Variants in MTBP observed in about 807,000 individuals in gnomAD.
MTBP encodes mdm2-binding protein.
Under a neutral mutation model 117.0 loss-of-function variants are expected in MTBP, and 101 were observed. That is an observed-to-expected ratio of 0.86 (90% CI 0.73 to 1.02). The LOEUF (loss-of-function observed/expected upper bound fraction) is 1.02. Among genes scored for constraint, MTBP ranks in the 50% least tolerant of loss-of-function variants. MTBP has a pLI of 0.00. For synonymous variants in MTBP, 350 were observed against 351.5 expected (o/e 1.00, Z 0.05); for missense variants, 970 against 1,030.9 (o/e 0.94, Z 0.81).
At position 120,517,861 on chromosome 8, in the gene MTBP, T is replaced by A. The variant is rs1814947043; in HGVS notation, c.2257T>A (p.Ser753Thr). 1.9e-6 allele frequency: 3 copies of A among 1,610,680 alleles called. No homozygotes were observed. The highest frequency in any genetic ancestry group is 2.5e-6 in the Non-Finnish European group (3 of 1,177,690). The change falls in exon 19 of 22, where the codon TCT becomes ACT. Residue 753 changes from serine (S) to threonine (T), a missense_variant. By Grantham distance (58) the Ser-to-Thr change is moderately conservative. Coordinates refer to ENST00000305949, the MANE Select transcript of MTBP (RefSeq NM_022045.5). ...TCCCCTGCTATATAGACTTGTGAAA[T>A]CTGAAAGTTCAGAGTCTCTTCTTTC... ...CLYPRKRLVK[S>T]ESSESLLSQT...
chr8:120,514,875 C>T (rs1160258756), intron 17 of MTBP, among the ~76,000 whole-genome samples: 1 of 151,950 alleles, frequency 6.6e-6, no homozygotes, highest in Non-Finnish European at 1.5e-5. Context: ...GCAACAGAAT[C>T]ATAGATAAAA....
chr8:120,494,928 G>C (rs1814419493), intron 13 of MTBP, among the ~76,000 whole-genome samples: 1 of 152,122 alleles, frequency 6.6e-6, no homozygotes, highest in South Asian at 2.1e-4. Flanking sequence ...AAATACATCA[G>C]TTCCTTTTTA....
intron 14 of MTBP, among the ~76,000 whole-genome samples, chr8:120,498,214 A>G (rs559236078): frequency 6.6e-6 from 1 of 152,314 alleles, no homozygotes; most frequent in African/African-American, 2.4e-5. Context: ...GAATAATAAT[A>G]TAACCCACTT....
At chr8:120,502,864 C>T (rs1040030964) in intron 15 of MTBP, among the ~76,000 whole-genome samples, 2 of 152,176 alleles carry the variant, frequency 1.3e-5, no homozygotes, top group Non-Finnish European at 2.9e-5. Context: ...TATAGCCTTT[C>T]AGACCATCTT....
intron 11 of MTBP, chr8:120,472,297 T>A (rs1297163196): frequency 6.6e-6 from 1 of 152,212 alleles, no homozygotes. Flanking sequence ...GATATCTATG[T>A]GGAAATTTAA....
intron 11 of MTBP, among the ~76,000 whole-genome samples, chr8:120,487,519 T>C (rs967415034): frequency 1.3e-5 from 2 of 152,260 alleles, no homozygotes; most frequent in African/African-American, 4.8e-5. Flanking sequence ...TAAATGTTTA[T>C]GTCCAACTCA....
At position 120,510,032 on chromosome 8, in the gene MTBP, A is replaced by T; in HGVS notation, c.1979+3A>T. ...GTATGTCATTATCATGGAATTGAGT[A>T]AGTTTTTATTTGTACTTTACTCTTC... On this transcript the variant is annotated splice_donor_region_variant and intron_variant, in intron 17 of 21. Coordinates refer to ENST00000305949, the MANE Select transcript of MTBP (RefSeq NM_022045.5). 2 of 1,595,070 alleles carry T rather than the reference A, an allele frequency of 1.3e-6. No homozygotes were observed. Among genetic ancestry groups the T allele is most frequent in the Non-Finnish European group, 1.7e-6 (2 of 1,164,840 alleles).
intron 11 of MTBP, among the ~76,000 whole-genome samples, chr8:120,482,520 T>C (rs1814107441): frequency 6.6e-6 from 1 of 152,192 alleles, no homozygotes. Context: ...CTATTCATTG[T>C]AGCTTTCAAA....
chr8:120,471,101 T>C (rs541984012), intron 11 of MTBP, 164 bp downstream of exon 11: 1 of 549,862 alleles, frequency 1.8e-6, no homozygotes, highest in East Asian at 3.0e-5. Context: ...TGCAACCTAC[T>C]GTAACATAAA....
At chr8:120,494,160 T>C (rs903548688) in intron 13 of MTBP, among the ~76,000 whole-genome samples, 2 of 152,182 alleles carry the variant, frequency 1.3e-5, no homozygotes, top group East Asian at 3.9e-4. Context: ...GTTGCCTCCT[T>C]CTTATTCTAC....
chr8:120,447,055 T>C (rs969771937), intron 2 of MTBP, among the ~76,000 whole-genome samples: 1 of 152,208 alleles, frequency 6.6e-6, no homozygotes, highest in Admixed American at 6.5e-5. Context: ...ACTGGCATTA[T>C]ACAAATGCAT....
intron 11 of MTBP, among the ~76,000 whole-genome samples, chr8:120,474,144 A>T (rs1278091777): frequency 6.6e-6 from 1 of 152,030 alleles, no homozygotes; most frequent in Non-Finnish European, 1.5e-5. Context: ...AAATCTGAGC[A>T]TTAATATTGG....
chr8:120,518,572 G>A, intron 19 of MTBP, 132 bp from the exon 20 acceptor site: 1 of 547,584 alleles, frequency 1.8e-6, no homozygotes, highest in Non-Finnish European at 3.2e-6. Flanking sequence ...CAATCATTTT[G>A]TCTTAATGAA....
At chr8:120,464,710 C>T (rs1018374834) in intron 10 of MTBP, among the ~76,000 whole-genome samples, 2 of 151,910 alleles carry the variant, frequency 1.3e-5, no homozygotes, top group East Asian at 1.9e-4. Context: ...TTGAATAGGA[C>T]GACAAAGTAT....
intron 12 of MTBP, among the ~76,000 whole-genome samples, chr8:120,489,084 G>C (rs1247183696): frequency 7.2e-6 from 1 of 138,746 alleles, no homozygotes; most frequent in Non-Finnish European, 1.5e-5. Flanking sequence ...CTGTCACCAG[G>C]CTAGAGTGCA....
intron 2 of MTBP, among the ~76,000 whole-genome samples, chr8:120,449,951 C>G (rs2130505669): frequency 6.6e-6 from 1 of 152,220 alleles, no homozygotes; most frequent in South Asian, 2.1e-4. Flanking sequence ...TGGAGACAGT[C>G]AGGTGTGGAC....
intron 5 of MTBP, among the ~76,000 whole-genome samples, chr8:120,455,086 G>A (rs1355754999): frequency 1.3e-5 from 2 of 150,370 alleles, no homozygotes; most frequent in Admixed American, 6.6e-5. Context: ...TTTTTTCTCT[G>A]TTGAGTACAA....
intron 11 of MTBP, among the ~76,000 whole-genome samples, chr8:120,480,807 A>G (rs968625260): frequency 1.3e-5 from 2 of 152,214 alleles, no homozygotes; most frequent in African/African-American, 4.8e-5. Context: ...CATAGATAAC[A>G]AATCTATAAA....
intron 7 of MTBP, 71 bp downstream of exon 7, chr8:120,456,741 T>A: frequency 4.9e-6 from 4 of 809,090 alleles, no homozygotes; most frequent in Non-Finnish European, 8.4e-6. Flanking sequence ...TTTAAATAAA[T>A]CTTAATGAAA....
Sources: allele counts gnomAD v4.1 joint callset (sites outside exome capture counted in the v4.1 genomes callset), GRCh38; gene constraint gnomAD v4.1.1; transcripts MANE v1.5; gene names NCBI Gene and HGNC (gene_info 2026-07-23, HGNC 2026-07-21).